Variants in FBLN2 observed in about 807,000 individuals in gnomAD.
The protein encoded by FBLN2 is fibulin-2.
FBLN2 carries 81 observed loss-of-function variants against 123.7 expected under a neutral mutation model. That is an observed-to-expected ratio of 0.65 (90% CI 0.55 to 0.79). FBLN2 has a LOEUF of 0.79. Among genes scored for constraint, FBLN2 ranks in the 30% least tolerant of loss-of-function variants. FBLN2 has a pLI of 0.00. For missense variants in FBLN2, 1,603 were observed against 1,681.3 expected, an observed-to-expected ratio of 0.95 and a Z score of 0.81; for synonymous variants, 699 against 701.4, an observed-to-expected ratio of 1.00 and a Z score of 0.05.
intron 2 of FBLN2, among the ~76,000 whole-genome samples, chr3:13,596,453 C>G (rs1009860885): frequency 2.6e-5 from 4 of 152,166 alleles, no homozygotes; most frequent in Non-Finnish European, 4.4e-5. Context: ...CTGTGATGCT[C>G]CTGTTTGTGT....
intron 1 of FBLN2, among the ~76,000 whole-genome samples, chr3:13,551,479 C>T (rs1173355713): frequency 2.6e-5 from 4 of 152,134 alleles, no homozygotes; most frequent in African/African-American, 4.8e-5. Flanking sequence ...ATTTAAGAGA[C>T]GGGGAAGGGG....
intron 2 of FBLN2, among the ~76,000 whole-genome samples, chr3:13,594,910 G>C (rs1049308023): frequency 6.6e-6 from 1 of 152,154 alleles, no homozygotes; most frequent in Non-Finnish European, 1.5e-5. Flanking sequence ...ATGAAGATGG[G>C]GACTTGAACT....
intron 4 of FBLN2, 42 bp downstream of exon 4, chr3:13,609,684 CGGGGCGGG>C: frequency 1.5e-5 from 3 of 196,564 alleles, no homozygotes; most frequent in Non-Finnish European, 2.8e-5. Flanking sequence ...TGGGGTGGGG[CGGGGCGGG>C]AGGCTGGCCT....
intron 2 of FBLN2, among the ~76,000 whole-genome samples, chr3:13,589,613 CAT>C (rs945365745): frequency 5.3e-5 from 8 of 152,308 alleles, no homozygotes; most frequent in Admixed American, 6.5e-5. Context: ...CACACACACA[CAT>C]GGATATTTCA....
In FBLN2 at chr3:13,621,848, C is replaced by G; in HGVS notation, c.2229C>G (p.Phe743Leu). 1 of 1,614,018 alleles carries G rather than the reference C, an allele frequency of 6.2e-7. No homozygotes were observed. Among genetic ancestry groups the G allele is most frequent in the Non-Finnish European group, 8.5e-7 (1 of 1,179,860 alleles). ...TCTGTGTGAACACCCTGGGATCCTTCTACTGTGTCAACCACACAGTGCTCT... is the reference window on the plus strand; with the variant it reads ...TCTGTGTGAACACCCTGGGATCCTTGTACTGTGTCAACCACACAGTGCTCT... ...RQFCVNTLGS[F>L]YCVNHTVLCA... Residue 743 changes from phenylalanine (F) to leucine (L), a missense_variant, in exon 9 of 18, where the codon TTC (phenylalanine) becomes TTG (leucine). Physicochemically the swap from Phe to Leu is conservative, Grantham distance 22. Transcript: ENST00000404922.
chr3:13,637,530 G>A, intron 17 of FBLN2, 32 bp from the exon 18 acceptor site: 2 of 1,553,810 alleles, frequency 1.3e-6, no homozygotes, highest in Non-Finnish European at 1.7e-6. Context: ...GGGTGGGCGA[G>A]CTGTGGGTGA....
intron 2 of FBLN2, among the ~76,000 whole-genome samples, chr3:13,589,524 G>A (rs1704606083): frequency 6.6e-6 from 1 of 152,124 alleles, no homozygotes; most frequent in African/African-American, 2.4e-5. Context: ...ACTTTCAGTG[G>A]GGCTATTTGA....
rs1703941907 is a variant in FBLN2 at position 13,571,299 on chromosome 3, C to T, written c.944C>T (p.Pro315Leu). 3 of 1,586,116 alleles carry T rather than the reference C, an allele frequency of 1.9e-6. No individual in the cohort carries two copies. Among genetic ancestry groups the T allele is most frequent in the Non-Finnish European group, 2.6e-6 (3 of 1,166,944 alleles). Residue 315 changes from proline to leucine, a missense_variant, in exon 2 of 18, where the codon CCC (proline) becomes CTC (leucine). Pro to Leu is a moderately conservative substitution (Grantham distance 98). Coordinates refer to ENST00000404922, the MANE Select transcript of FBLN2 (RefSeq NM_001004019.2). The part of the protein sequence containing the change: ...DGLPTTAPAG[P>L]SLPIQEERAE... The stretch of plus-strand genomic sequence containing the variant: ...CTGCCCACTACAGCCCCAGCTGGAC[C>T]CAGTCTTCCTATCCAGGAGGAGAGG...
chr3:13,600,503 C>G lies in FBLN2; in HGVS notation c.1307-7559C>G, dbSNP rs527287527. On this transcript the variant is annotated intron_variant, in intron 2 of 17. Transcript: ENST00000404922. ...TGGTTAGAGTCCCAGAGACGACCTTCAGGATCGGCTGCATTAGGTCACCTG... is the reference window on the plus strand; with the variant it reads ...TGGTTAGAGTCCCAGAGACGACCTTGAGGATCGGCTGCATTAGGTCACCTG... Among the ~76,000 whole-genome samples the G allele has an allele frequency of 1.4e-4, 21 of 152,196 alleles. No homozygotes were observed. The South Asian group carries it at 4.3e-3, about 32-fold the overall frequency.
At chr3:13,630,998 C>G (rs1252348757) in intron 15 of FBLN2, among the ~76,000 whole-genome samples, 183 bp downstream of exon 15, 1 of 152,190 alleles carries the variant, frequency 6.6e-6, no homozygotes, top group Non-Finnish European at 1.5e-5. Flanking sequence ...TCCACTCTGA[C>G]CTCAGGTTCC....
chr3:13,562,555 C>T (rs1703641351), intron 1 of FBLN2, among the ~76,000 whole-genome samples: 1 of 152,100 alleles, frequency 6.6e-6, no homozygotes, highest in Non-Finnish European at 1.5e-5. Flanking sequence ...TGGCGTTTCA[C>T]CATGTTGGCC....
At chr3:13,633,801 T>G (rs2124912605) in intron 16 of FBLN2, among the ~76,000 whole-genome samples, 1 of 152,332 alleles carries the variant, frequency 6.6e-6, no homozygotes, top group African/African-American at 2.4e-5. Flanking sequence ...TAGGGCCCTA[T>G]CTGTCCGGCT....
chr3:13,631,099 C>T (rs1384343756), intron 15 of FBLN2, among the ~76,000 whole-genome samples: 5 of 152,214 alleles, frequency 3.3e-5, no homozygotes, highest in Non-Finnish European at 7.3e-5. Flanking sequence ...TGATTGTCCC[C>T]TCAGCTGGTA....
chr3:13,593,591 G>C (rs746748958), intron 2 of FBLN2, among the ~76,000 whole-genome samples: 1 of 151,894 alleles, frequency 6.6e-6, no homozygotes, highest in Non-Finnish European at 1.5e-5. Context: ...GTGTGCCCCT[G>C]TAGTCCCAGC....
rs1239763367 is a variant in FBLN2, at chr3:13,609,028, A to G, written c.1419-485A>G. 9.2e-5 allele frequency among the ~76,000 whole-genome samples: 14 copies of G among 152,206 alleles called. 1 individual carries two copies. Among genetic ancestry groups the G allele is most frequent in the Admixed American group, 1.3e-4 (2 of 15,268 alleles). On this transcript the variant is annotated intron_variant, in intron 3 of 17. Transcript: ENST00000404922. ...GTGCATGCTTGCATCCGTCTTGTGGACGTGTCCCACTTCAGGGGGTGCTGA... is the reference window on the plus strand; with the variant it reads ...GTGCATGCTTGCATCCGTCTTGTGGGCGTGTCCCACTTCAGGGGGTGCTGA...
chr3:13,555,546 C>G (rs1247977747), intron 1 of FBLN2, among the ~76,000 whole-genome samples: 4 of 152,032 alleles, frequency 2.6e-5, no homozygotes, highest in Admixed American at 6.6e-5. Flanking sequence ...GCTCCGCCTC[C>G]CAGGTTCATA....
At chr3:13,627,565 C>T (rs181042666) in intron 10 of FBLN2, among the ~76,000 whole-genome samples, 15 of 152,312 alleles carry the variant, frequency 9.8e-5, no homozygotes, top group Admixed American at 2.6e-4. Context: ...CTACTTCTTA[C>T]GGCTGTGTGG....
At chr3:13,549,769 T>C (rs1703273861) in intron 1 of FBLN2, among the ~76,000 whole-genome samples, 1 of 151,728 alleles carries the variant, frequency 6.6e-6, no homozygotes, top group South Asian at 2.1e-4. Context: ...ACCCTGCCTG[T>C]CACCACATCC....
In FBLN2 at chr3:13,570,336, G is replaced by C; in HGVS notation, c.-20G>C. The C allele has an allele frequency of 6.6e-7, 1 of 1,519,392 alleles. No homozygotes were observed. The highest frequency in any genetic ancestry group is 1.2e-5 in the South Asian group (1 of 80,052). The allele number at this position is 1,519,392 out of a possible 1,614,324, so 94.1% of individuals were successfully genotyped here. A position where few individuals can be genotyped will look rare whatever the true frequency, so the allele number is the denominator to read the frequency against. ...CCAGGGTCTTACAGGAGAGGGGACC[G>C]TCCTGGGCTGGCCTGGACCATGGTG... is the stretch of plus-strand genomic sequence containing the variant. On this transcript the variant is annotated 5_prime_UTR_variant, in exon 2 of 18. Transcript: ENST00000404922.
Sources: allele counts gnomAD v4.1 joint callset (sites outside exome capture counted in the v4.1 genomes callset), GRCh38; gene constraint gnomAD v4.1.1; transcripts MANE v1.5; gene names NCBI Gene and HGNC (gene_info 2026-07-23, HGNC 2026-07-21).